The following NRXN1 variants were observed in gnomAD, a reference collection of about 807,000 sequenced individuals.
NRXN1 encodes neurexin-1.
A neutral mutation model predicts 150.9 loss-of-function variants in NRXN1; 39 were observed. The ratio of observed to expected loss-of-function variants is 0.26; its 90% CI spans 0.20 to 0.34. The LOEUF (loss-of-function observed/expected upper bound fraction) is 0.34, where lower values mean the gene tolerates loss of function less well. Among genes scored for constraint, NRXN1 ranks in the 10% least tolerant of loss-of-function variants. NRXN1 has a pLI of 1.00. For synonymous variants in NRXN1, 924 were observed against 757.0 expected, an observed-to-expected ratio of 1.22 and a Z score of -3.62; for missense variants, 1,815 against 1,949.9, an observed-to-expected ratio of 0.93 and a Z score of 1.30.
intron 17 of NRXN1, among the ~76,000 whole-genome samples, chr2:50,272,310 C>A (rs1221988498): frequency 6.6e-6 from 1 of 152,062 alleles, no homozygotes; most frequent in Non-Finnish European, 1.5e-5. Flanking sequence ...GTGGAGACAG[C>A]CACAGGAAAA....
chr2:50,385,396 G>A (rs2081264961), intron 17 of NRXN1, among the ~76,000 whole-genome samples: 2 of 152,144 alleles, frequency 1.3e-5, no homozygotes, highest in South Asian at 4.1e-4. Flanking sequence ...TTACTCAAAT[G>A]ACTTCCTTAA....
intron 5 of NRXN1, among the ~76,000 whole-genome samples, chr2:50,678,310 A>T (rs1258936086): frequency 2.0e-5 from 3 of 152,198 alleles, no homozygotes; most frequent in Non-Finnish European, 2.9e-5. Flanking sequence ...TTTATTTCAC[A>T]TGCAAAAAAC....
chr2:50,200,786 A>T (rs2062103260), intron 18 of NRXN1, among the ~76,000 whole-genome samples: 1 of 152,192 alleles, frequency 6.6e-6, no homozygotes, highest in African/African-American at 2.4e-5. Flanking sequence ...CAACTTTAGA[A>T]CACTAAATTT....
At chr2:49,973,790 C>T in intron 21 of NRXN1, 1 of 572,916 alleles carries the variant, frequency 1.7e-6, no homozygotes, top group Non-Finnish European at 3.1e-6. Context: ...ATACAGCGTG[C>T]ATAAATTTGA....
At chr2:50,739,243 T>C (rs776512441) in intron 5 of NRXN1, 4 of 508,692 alleles carry the variant, frequency 7.9e-6, no homozygotes, top group Non-Finnish European at 1.6e-5. Flanking sequence ...TCATTGAGGA[T>C]ATTTTATTAA....
At chr2:50,439,678 G>A (rs1239322394) in intron 17 of NRXN1, among the ~76,000 whole-genome samples, 8 of 151,896 alleles carry the variant, frequency 5.3e-5, no homozygotes, top group African/African-American at 1.5e-4. Context: ...TTAGTCGGGC[G>A]TGGTGGCGGG....
At chr2:50,438,980 C>T (rs1450335481) in intron 17 of NRXN1, among the ~76,000 whole-genome samples, 1 of 152,210 alleles carries the variant, frequency 6.6e-6, no homozygotes, top group Admixed American at 6.5e-5. Context: ...CACAGCTACT[C>T]AAAGTAAGCT....
chr2:50,025,344 G>C (rs901475534), intron 21 of NRXN1, among the ~76,000 whole-genome samples: 5 of 152,156 alleles, frequency 3.3e-5, no homozygotes, highest in Non-Finnish European at 7.3e-5. Context: ...AATATGAGTA[G>C]GTAGAGAAAT....
At chr2:50,209,454 TC>T (rs1411822374) in intron 18 of NRXN1, among the ~76,000 whole-genome samples, 1 of 152,124 alleles carries the variant, frequency 6.6e-6, no homozygotes. Context: ...ATTGGAGCCT[TC>T]ATTTTACAAA....
chr2:50,814,205 C>A (rs184988293), intron 5 of NRXN1, among the ~76,000 whole-genome samples: 143 of 152,218 alleles, frequency 9.4e-4, no homozygotes, highest in Middle Eastern at 3.4e-3. Context: ...CAGTGTTGCT[C>A]AGGCTGTTCT....
chr2:50,915,434 T>C (rs1042794894), intron 5 of NRXN1, among the ~76,000 whole-genome samples: 15 of 151,810 alleles, frequency 9.9e-5, no homozygotes, highest in African/African-American at 3.4e-4. Context: ...ATTTTACCAA[T>C]GATTTCCTAG....
intron 2 of NRXN1, among the ~76,000 whole-genome samples, chr2:50,940,473 CAAAAAAA>C (rs748999405): frequency 1.3e-5 from 1 of 75,130 alleles, no homozygotes; most frequent in African/African-American, 5.0e-5. Context: ...GACTCCATCT[CAAAAAAA>C]AAAAAAAAAG....
In NRXN1 at chr2:50,170,756, CGTGTGT is replaced by C. The variant is rs58130457; in HGVS notation, c.3546+66027_3546+66032del. On this transcript the variant is annotated intron_variant, in intron 18 of 22. Coordinates refer to ENST00000401669, the MANE Select transcript of NRXN1 (RefSeq NM_001330078.2). ...GGACATTGAGTCTCTCTCTGTCTGT[CGTGTGT>C]GTGTGTGTGTGTGTGTGTGTGTGTG... Among the ~76,000 whole-genome samples the C allele has an allele frequency of 1.9e-3, 273 of 143,096 alleles. 1 individual carries two copies. Among genetic ancestry groups the C allele is most frequent in the East Asian group, 2.7e-3 (13 of 4,772 alleles). 93.9% of individuals were successfully genotyped at this position (143,096 alleles called of 152,430 possible).
At chr2:50,083,282 A>G (rs567195022) in intron 19 of NRXN1, among the ~76,000 whole-genome samples, 23 of 152,212 alleles carry the variant, frequency 1.5e-4, no homozygotes, top group Non-Finnish European at 2.8e-4. Flanking sequence ...AATATCCTTT[A>G]CTTCTGTTTT....
intron 5 of NRXN1, among the ~76,000 whole-genome samples, chr2:50,736,922 C>A (rs1698828100): frequency 6.6e-6 from 1 of 152,064 alleles, no homozygotes; most frequent in Non-Finnish European, 1.5e-5. Context: ...AAATACTTGC[C>A]AAATGAATAA....
intron 5 of NRXN1, among the ~76,000 whole-genome samples, chr2:50,867,546 C>T (rs1221374164): frequency 6.6e-6 from 1 of 151,740 alleles, no homozygotes; most frequent in Non-Finnish European, 1.5e-5. Context: ...CAAGTTCAAT[C>T]GACCAGAATG....
At chr2:50,706,284 C>A (rs1483113016) in intron 5 of NRXN1, among the ~76,000 whole-genome samples, 4 of 152,178 alleles carry the variant, frequency 2.6e-5, no homozygotes, top group Non-Finnish European at 5.9e-5. Context: ...GATACATATA[C>A]CTGCTGGGTT....
intron 12 of NRXN1, among the ~76,000 whole-genome samples, chr2:50,525,754 T>G (rs1158724304): frequency 6.6e-6 from 1 of 152,220 alleles, no homozygotes; most frequent in East Asian, 1.9e-4. Context: ...TTTTTTATTT[T>G]TAAATGAAAA....
chr2:50,547,879 C>G (rs2093529765), intron 9 of NRXN1, among the ~76,000 whole-genome samples: 1 of 152,032 alleles, frequency 6.6e-6, no homozygotes, highest in Non-Finnish European at 1.5e-5. Flanking sequence ...TAAAGAACAG[C>G]TATAGCCAAG....
Sources: allele counts gnomAD v4.1 joint callset (sites outside exome capture counted in the v4.1 genomes callset), GRCh38; gene constraint gnomAD v4.1.1; transcripts MANE v1.5; gene names NCBI Gene and HGNC (gene_info 2026-07-23, HGNC 2026-07-21).